Variants in ADGRL3 observed in about 807,000 individuals in gnomAD.
ADGRL3 encodes the protein calcium-independent alpha-latrotoxin receptor 3.
In ADGRL3, 62 loss-of-function variants were observed where a neutral mutation model predicts 153.5. The observed-to-expected ratio is 0.40, with a 90% CI of 0.33 to 0.50. ADGRL3 has a LOEUF of 0.50. Among genes scored for constraint, ADGRL3 ranks in the 20% least tolerant of loss-of-function variants. The pLI is 0.47. For missense variants in ADGRL3, 1,641 were observed against 1,859.4 expected (o/e 0.88, Z 2.16); for synonymous variants, 710 against 672.5 (o/e 1.06, Z -0.86).
intron 21 of ADGRL3, among the ~76,000 whole-genome samples, chr4:62,022,866 G>A (rs1163857224): frequency 6.6e-6 from 1 of 151,824 alleles, no homozygotes; most frequent in Non-Finnish European, 1.5e-5. Context: ...CTCTGATAGA[G>A]ATATACAAGG....
At chr4:61,886,609 TG>T (rs2098540491) in intron 9 of ADGRL3, among the ~76,000 whole-genome samples, 1 of 148,438 alleles carries the variant, frequency 6.7e-6, no homozygotes, top group Non-Finnish European at 1.5e-5. Flanking sequence ...TCTTCTCTTG[TG>T]AAGTTTAGAC....
Position 62,006,003 on chromosome 4 carries a change from C to CACACACACACATATATAT in ADGRL3, c.3395+7739_3395+7740insCACACACACATATATATA, listed in dbSNP as rs1230956055. On this transcript the variant is annotated intron_variant, in intron 21 of 26. Transcript: ENST00000683033. ...ACACACACACACACACACACACACA[C>CACACACACACATATATAT]ATATATATATATATATATATATATA... is the stretch of plus-strand genomic sequence containing the variant. Among the ~76,000 whole-genome samples the CACACACACACATATATAT allele has an allele frequency of 8.2e-5, 4 of 48,990 alleles. No homozygotes were observed. In the East Asian group the frequency reaches 2.7e-3, roughly 33 times the overall value. The allele number at this position is 48,990 out of a possible 152,430, so 32.1% of individuals were successfully genotyped here. A position where few individuals can be genotyped will look rare whatever the true frequency, so the allele number is the denominator to read the frequency against.
At chr4:61,314,553 A>T (rs2095137624) in intron 1 of ADGRL3, among the ~76,000 whole-genome samples, 1 of 152,138 alleles carries the variant, frequency 6.6e-6, no homozygotes, top group African/African-American at 2.4e-5. Context: ...GATCTTATGG[A>T]TGCTTTAGCT....
At chr4:61,605,119 AG>A (rs1164760647) in intron 5 of ADGRL3, among the ~76,000 whole-genome samples, 26 of 147,462 alleles carry the variant, frequency 1.8e-4, no homozygotes, top group Admixed American at 8.1e-4. Flanking sequence ...AAAAAAGAGA[AG>A]GAAAAAAAAA....
At chr4:61,807,262 T>A (rs1337591106) in intron 8 of ADGRL3, among the ~76,000 whole-genome samples, 3 of 152,108 alleles carry the variant, frequency 2.0e-5, no homozygotes, top group Non-Finnish European at 4.4e-5. Context: ...ATTTTTTCTC[T>A]TTTGCTATTA....
At chr4:61,850,703 C>T (rs1232272683) in intron 9 of ADGRL3, among the ~76,000 whole-genome samples, 1 of 152,032 alleles carries the variant, frequency 6.6e-6, no homozygotes, top group African/African-American at 2.4e-5. Context: ...TTCGGCAGGG[C>T]TATTACTCCT....
chr4:61,737,835 T>C (rs1213846809), intron 8 of ADGRL3, among the ~76,000 whole-genome samples: 1 of 152,188 alleles, frequency 6.6e-6, no homozygotes, highest in Admixed American at 6.5e-5. Flanking sequence ...ATTTGTACTC[T>C]AAAAATTGTA....
At chr4:62,046,737 T>G (rs182103228) in intron 25 of ADGRL3, among the ~76,000 whole-genome samples, 37 of 152,118 alleles carry the variant, frequency 2.4e-4, no homozygotes, top group African/African-American at 8.4e-4. Flanking sequence ...ACTTAGTGAC[T>G]TTATTTGTGC....
intron 5 of ADGRL3, among the ~76,000 whole-genome samples, chr4:61,602,842 T>A (rs1187536411): frequency 6.6e-6 from 1 of 152,142 alleles, no homozygotes; most frequent in African/African-American, 2.4e-5. Flanking sequence ...AGATTACAAC[T>A]ATGAGCAGGG....
intron 5 of ADGRL3, among the ~76,000 whole-genome samples, chr4:61,655,857 G>A (rs1388997564): frequency 4.6e-5 from 7 of 152,102 alleles, no homozygotes; most frequent in Admixed American, 4.6e-4. Flanking sequence ...CAAATAGAAT[G>A]TTTGTATCTT....
chr4:61,661,960 G>A (rs2094607073), intron 5 of ADGRL3, among the ~76,000 whole-genome samples: 1 of 152,166 alleles, frequency 6.6e-6, no homozygotes, highest in Non-Finnish European at 1.5e-5. Flanking sequence ...TAAATACCTT[G>A]TATTTATTCT....
rs1167702946 is a variant in ADGRL3, at chr4:61,372,131, C to G, written c.-239-10993C>G. 4.6e-5 allele frequency among the ~76,000 whole-genome samples: 7 copies of G among 152,098 alleles called. No individual in the cohort carries two copies. In the South Asian group the frequency reaches 1.5e-3, roughly 32 times the overall value. ...TTGGTTATTCTAGTTATACATTCTTCTAAATTTTTTTGAAAGTTTTCAACT... is the reference window on the plus strand; with the variant it reads ...TTGGTTATTCTAGTTATACATTCTTGTAAATTTTTTTGAAAGTTTTCAACT... On this transcript the variant is annotated intron_variant, in intron 1 of 26. Coordinates refer to ENST00000683033, the MANE Select transcript of ADGRL3 (RefSeq NM_001387552.1).
chr4:61,897,808 C>T (rs1279425093), intron 11 of ADGRL3, among the ~76,000 whole-genome samples: 1 of 152,098 alleles, frequency 6.6e-6, no homozygotes, highest in Non-Finnish European at 1.5e-5. Flanking sequence ...AGAGTCCACA[C>T]AGATGGAACA....
intron 5 of ADGRL3, among the ~76,000 whole-genome samples, chr4:61,663,996 A>G (rs1170533927): frequency 6.6e-6 from 1 of 152,188 alleles, no homozygotes; most frequent in African/African-American, 2.4e-5. Context: ...CTTAAGGCCT[A>G]TAGCAACTGA....
chr4:61,470,977 T>A (rs920942235), intron 2 of ADGRL3, among the ~76,000 whole-genome samples: 8 of 151,950 alleles, frequency 5.3e-5, no homozygotes, highest in African/African-American at 1.9e-4. Context: ...GTCACTTTTT[T>A]AAATTGATTC....
chr4:61,433,710 G>A (rs948279277), intron 2 of ADGRL3, among the ~76,000 whole-genome samples: 4 of 152,122 alleles, frequency 2.6e-5, no homozygotes, highest in Admixed American at 1.3e-4. Flanking sequence ...AAATTTATAC[G>A]TGTGTTGAGT....
chr4:61,653,478 G>C (rs2094341286), intron 5 of ADGRL3, among the ~76,000 whole-genome samples: 1 of 152,182 alleles, frequency 6.6e-6, no homozygotes, highest in South Asian at 2.1e-4. Context: ...AAGGAGTTCA[G>C]ACCTAACTAA....
At chr4:61,229,769 T>C (rs1240564020) in intron 1 of ADGRL3, among the ~76,000 whole-genome samples, 1 of 152,062 alleles carries the variant, frequency 6.6e-6, no homozygotes, top group Non-Finnish European at 1.5e-5. Context: ...TAGCTCTGTG[T>C]GGTGGCATGT....
At chr4:61,635,463 C>T (rs2093375562) in intron 5 of ADGRL3, among the ~76,000 whole-genome samples, 1 of 152,020 alleles carries the variant, frequency 6.6e-6, no homozygotes, top group Non-Finnish European at 1.5e-5. Context: ...AGGAAATGGC[C>T]CTATACCGTT....
Sources: allele counts gnomAD v4.1 joint callset (sites outside exome capture counted in the v4.1 genomes callset), GRCh38; gene constraint gnomAD v4.1.1; transcripts MANE v1.5; gene names NCBI Gene and HGNC (gene_info 2026-07-23, HGNC 2026-07-21).